The following PCLO variants were observed in gnomAD, a reference collection of about 807,000 sequenced individuals.
PCLO encodes piccolo presynaptic cytomatrix protein, also known as protein piccolo.
In PCLO, 82 loss-of-function variants were observed where a neutral mutation model predicts 427.5. The ratio of observed to expected loss-of-function variants is 0.19; its 90% CI spans 0.16 to 0.23. PCLO has a LOEUF of 0.23. PCLO is among the 10% of genes least tolerant of loss of function. PCLO has a pLI of 1.00. For synonymous variants in PCLO, 2,357 were observed against 2,155.4 expected, an observed-to-expected ratio of 1.09 and a Z score of -2.59; for missense variants, 6,239 against 6,115.9, an observed-to-expected ratio of 1.02 and a Z score of -0.67.
At chr7:83,097,260 C>T (rs1202579011) in intron 3 of PCLO, among the ~76,000 whole-genome samples, 3 of 140,060 alleles carry the variant, frequency 2.1e-5, no homozygotes, top group South Asian at 2.1e-4. Context: ...CAGTGGCTCA[C>T]GCCTGTAATC....
intron 2 of PCLO, among the ~76,000 whole-genome samples, chr7:83,144,954 T>C (rs927860269): frequency 1.3e-5 from 2 of 152,162 alleles, no homozygotes; most frequent in African/African-American, 4.8e-5. Context: ...AGTAGAAGTG[T>C]CATATTTCTG....
chr7:82,778,586 A>T (rs1790804519), intron 22 of PCLO, among the ~76,000 whole-genome samples: 1 of 152,088 alleles, frequency 6.6e-6, no homozygotes, highest in Non-Finnish European at 1.5e-5. Context: ...TGGCCATCAG[A>T]TAGATATTTA....
rs115351067 is a variant in PCLO, at chr7:82,975,948, C to T, written c.3301-9461G>A. On this transcript the variant is annotated intron_variant, in intron 3 of 24. Transcript: ENST00000333891. ...GTTTCCTGAGGCATTCCCAGGCATGCGGAACTGTGAGTCAATTAAACTTCT... is the reference window on the plus strand; with the variant it reads ...GTTTCCTGAGGCATTCCCAGGCATGTGGAACTGTGAGTCAATTAAACTTCT... 6.4e-3 allele frequency among the ~76,000 whole-genome samples: 976 copies of T among 152,238 alleles called. 14 individuals are homozygous for T. The highest frequency in any genetic ancestry group is 0.022 in the African/African-American group (911 of 41,532).
chr7:82,954,886 C>G lies in PCLO; in HGVS notation c.6067G>C (p.Val2023Leu). 2 of 1,613,938 alleles carry G rather than the reference C, an allele frequency of 1.2e-6. No homozygotes were observed. The highest frequency in any genetic ancestry group is 1.7e-6 in the Non-Finnish European group (2 of 1,179,846). The change falls in exon 5 of 25, where the codon GTT (valine) becomes CTT (leucine). Residue 2023 changes from valine (V) to leucine (L), a missense_variant. By Grantham distance (32) the Val-to-Leu change is conservative. Coordinates refer to ENST00000333891, the MANE Select transcript of PCLO (RefSeq NM_033026.6). The part of the protein sequence containing the change: ...EFYELESLHS[V>L]VPQEDIVSSS... Reference sequence around the variant, plus strand: ...GAAACAATATCTTCCTGAGGCACAACAGAATGTAAGCTTTCTAACTCATAA... The same window carrying G: ...GAAACAATATCTTCCTGAGGCACAAGAGAATGTAAGCTTTCTAACTCATAA...
chr7:83,068,431 C>A lies in PCLO; in HGVS notation c.3300+65819G>T, dbSNP rs980218877. On this transcript the variant is annotated intron_variant, in intron 3 of 24. Transcript: ENST00000333891. ...TAACAAAAACAAAACAAACAAAAAA[C>A]CCCCCAGATAATCCAATTAAAAAAT... is the stretch of plus-strand genomic sequence containing the variant. Among the ~76,000 whole-genome samples, 11 of 151,784 alleles carry A rather than the reference C, an allele frequency of 7.2e-5. No homozygotes were observed. The East Asian group carries it at 7.7e-4, about 11-fold the overall frequency.
chr7:82,919,254 A>T (rs1027493530), intron 6 of PCLO, among the ~76,000 whole-genome samples: 12 of 152,060 alleles, frequency 7.9e-5, no homozygotes, highest in African/African-American at 2.9e-4. Context: ...AAAGAGAAAA[A>T]ATATAGATCA....
intron 4 of PCLO, among the ~76,000 whole-genome samples, chr7:82,960,582 A>G (rs887995761): frequency 1.3e-5 from 2 of 152,204 alleles, no homozygotes; most frequent in African/African-American, 4.8e-5. Flanking sequence ...AAAAGATAAA[A>G]TTCTATAGCA....
At chr7:83,137,112 T>C (rs1465542486) in intron 2 of PCLO, among the ~76,000 whole-genome samples, 1 of 152,142 alleles carries the variant, frequency 6.6e-6, no homozygotes, top group African/African-American at 2.4e-5. Flanking sequence ...ACCAGACAAA[T>C]TTCCCACAGT....
chr7:83,016,096 C>G (rs920872210), intron 3 of PCLO, among the ~76,000 whole-genome samples: 1 of 152,082 alleles, frequency 6.6e-6, no homozygotes, highest in Non-Finnish European at 1.5e-5. Context: ...GAGGTTCTTC[C>G]CACTAGCTCA....
rs552125412 is a variant in PCLO at position 83,102,337 on chromosome 7, C to T, written c.3300+31913G>A. ...TTTTTGCAAAATTTTAATAATTTTC[C>T]AAACCATCCACCTAACAACCCAATG... On this transcript the variant is annotated intron_variant, in intron 3 of 24. Transcript: ENST00000333891. Among the ~76,000 whole-genome samples, 8 of 151,900 alleles carry T rather than the reference C, an allele frequency of 5.3e-5. No individual in the cohort carries two copies. In the South Asian group the frequency reaches 6.2e-4, roughly 12 times the overall value.
chr7:83,100,171 C>A (rs1420958077), intron 3 of PCLO, among the ~76,000 whole-genome samples: 2 of 152,106 alleles, frequency 1.3e-5, no homozygotes, highest in Middle Eastern at 3.4e-3. Flanking sequence ...CAGATGCTGG[C>A]GAGGTTGTGA....
intron 3 of PCLO, among the ~76,000 whole-genome samples, chr7:83,111,100 A>G (rs1388887598): frequency 2.0e-5 from 3 of 152,222 alleles, no homozygotes; most frequent in African/African-American, 7.2e-5. Context: ...TCTGATTTAC[A>G]TCCATATGTC....
chr7:82,970,711 A>C (rs1795883281), intron 3 of PCLO, among the ~76,000 whole-genome samples: 1 of 151,958 alleles, frequency 6.6e-6, no homozygotes, highest in Non-Finnish European at 1.5e-5. Context: ...TTCTTTAGAT[A>C]TATAAATTCA....
chr7:83,047,566 GC>G (rs1199373005), intron 3 of PCLO, among the ~76,000 whole-genome samples: 8 of 151,888 alleles, frequency 5.3e-5, no homozygotes, highest in Non-Finnish European at 1.2e-4. Context: ...AAAGAAGACT[GC>G]TATAAAGAAC....
chr7:82,924,039 C>A (rs1794656681), intron 6 of PCLO, among the ~76,000 whole-genome samples: 1 of 152,022 alleles, frequency 6.6e-6, no homozygotes, highest in African/African-American at 2.4e-5. Context: ...ACGTGATATA[C>A]TAAATAATGT....
Position 82,956,757 on chromosome 7 carries a change from T to G in PCLO, c.4196A>C (p.Gln1399Pro), listed in dbSNP as rs766670927. 1.2e-6 allele frequency: 2 copies of G among 1,613,776 alleles called. No individual in the cohort carries two copies. Among genetic ancestry groups the G allele is most frequent in the African/African-American group, 2.7e-5 (2 of 74,928 alleles). Residue 1399 changes from glutamine (Q) to proline (P), a missense_variant, in exon 5 of 25, where the codon CAA (glutamine) becomes CCA (proline). Physicochemically the swap from Gln to Pro is moderately conservative, Grantham distance 76. Coordinates refer to ENST00000333891, the MANE Select transcript of PCLO (RefSeq NM_033026.6). ...LKGLKKDSFS[Q>P]ESSPSSPSDL... ...TGAGGGGCTGGAAGGGCTGCTTTCT[T>G]GTGAAAAAGAGTCCTTTTTGAGTCC...
chr7:82,987,029 T>C lies in PCLO; in HGVS notation c.3301-20542A>G, dbSNP rs945667421. Reference sequence around the variant, plus strand: ...AGGTGAACTATTATAAAGGGAAGCATATGCCATTTCGTCAGATTAACCATA... The same window carrying C: ...AGGTGAACTATTATAAAGGGAAGCACATGCCATTTCGTCAGATTAACCATA... On this transcript the variant is annotated intron_variant, in intron 3 of 24. Coordinates refer to ENST00000333891, the MANE Select transcript of PCLO (RefSeq NM_033026.6). Among the ~76,000 whole-genome samples the C allele has an allele frequency of 2.5e-4, 38 of 152,086 alleles. No individual in the cohort carries two copies. In the South Asian group the frequency reaches 5.8e-3, roughly 23 times the overall value.
At chr7:83,159,977 T>G (rs1235025852) in intron 1 of PCLO, among the ~76,000 whole-genome samples, 2 of 152,072 alleles carry the variant, frequency 1.3e-5, no homozygotes, top group Non-Finnish European at 2.9e-5. Flanking sequence ...ATTGAACTGA[T>G]TTTTCCACAT....
At chr7:83,046,696 T>C (rs1480304505) in intron 3 of PCLO, among the ~76,000 whole-genome samples, 1 of 152,010 alleles carries the variant, frequency 6.6e-6, no homozygotes, top group East Asian at 1.9e-4. Context: ...ACATTCCTTT[T>C]CTGAAGGAAT....
Sources: gnomAD v4.1 joint callset for allele counts (sites outside exome capture counted in the v4.1 genomes callset) on GRCh38, gnomAD v4.1.1 for gene constraint, MANE v1.5 for transcripts, NCBI Gene and HGNC (gene_info 2026-07-23, HGNC 2026-07-21) for gene names.